The following ARHGAP15 variants were observed in gnomAD, a reference collection of about 807,000 sequenced individuals.
ARHGAP15 encodes the protein Rho GTPase activating protein 15, also known as rho GTPase-activating protein 15.
A neutral mutation model predicts 63.7 loss-of-function variants in ARHGAP15; 51 were observed. That is an observed-to-expected ratio of 0.80 (90% confidence interval 0.64 to 1.01). ARHGAP15 has a LOEUF of 1.01. Ranked by LOEUF, ARHGAP15 falls within the 50% of genes least tolerant of loss-of-function variation. The pLI is 0.00. For synonymous variants in ARHGAP15, 191 were observed against 193.8 expected (o/e 0.99, Z 0.12); for missense variants, 560 against 564.6 (o/e 0.99, Z 0.08).
At chr2:143,251,212 C>A (rs976845025) in intron 6 of ARHGAP15, among the ~76,000 whole-genome samples, 1 of 150,920 alleles carries the variant, frequency 6.6e-6, no homozygotes, top group African/African-American at 2.4e-5. Context: ...CACCTAATTG[C>A]GTGATTTATC....
chr2:143,722,458 C>T lies in ARHGAP15; in HGVS notation c.1244+18934C>T, dbSNP rs567860704. 3.3e-3 allele frequency among the ~76,000 whole-genome samples: 507 copies of T among 152,058 alleles called. 6 individuals carry two copies. Among genetic ancestry groups the T allele is most frequent in the Non-Finnish European group, 5.1e-3 (347 of 68,004 alleles). On this transcript the variant is annotated intron_variant, in intron 13 of 13. Coordinates refer to ENST00000295095, the MANE Select transcript of ARHGAP15 (RefSeq NM_018460.4). ...GGCAAAGTACATATACAAGCAGAAGCACATAAGCACCAATGAATGAAGCAT... is the reference window on the plus strand; with the variant it reads ...GGCAAAGTACATATACAAGCAGAAGTACATAAGCACCAATGAATGAAGCAT...
intron 10 of ARHGAP15, among the ~76,000 whole-genome samples, chr2:143,541,250 G>A (rs1229657592): frequency 6.6e-6 from 1 of 152,110 alleles, no homozygotes; most frequent in Non-Finnish European, 1.5e-5. Context: ...GGACTTCTCT[G>A]CATTGGTTAT....
At chr2:143,517,138 G>A (rs142840260) in intron 9 of ARHGAP15, among the ~76,000 whole-genome samples, 300 of 152,168 alleles carry the variant, frequency 2.0e-3, no homozygotes, top group Middle Eastern at 0.01. Context: ...TAATAGAAAC[G>A]GGGTTTCACC....
intron 9 of ARHGAP15, among the ~76,000 whole-genome samples, chr2:143,496,474 T>C (rs1183247032): frequency 6.6e-6 from 1 of 152,206 alleles, no homozygotes; most frequent in Non-Finnish European, 1.5e-5. Context: ...TTCAAGAATT[T>C]ATTTTCTTAT....
chr2:143,157,231 A>G (rs1487538820), intron 2 of ARHGAP15, among the ~76,000 whole-genome samples: 2 of 151,928 alleles, frequency 1.3e-5, no homozygotes, highest in Non-Finnish European at 2.9e-5. Flanking sequence ...TTTATGCACT[A>G]TTACCTTGAC....
intron 12 of ARHGAP15, among the ~76,000 whole-genome samples, chr2:143,700,605 A>G (rs989046493): frequency 6.6e-5 from 10 of 152,074 alleles, no homozygotes; most frequent in African/African-American, 2.4e-4. Flanking sequence ...CTAGTAGTTC[A>G]CCAGATCCTC....
rs574284088 is a variant in ARHGAP15 at position 143,411,184 on chromosome 2, G to A, written c.475-24417G>A. Among the ~76,000 whole-genome samples the A allele has an allele frequency of 2.0e-4, 31 of 152,104 alleles. No homozygotes were observed. In the East Asian group the frequency reaches 2.7e-3, roughly 13 times the overall value. On this transcript the variant is annotated intron_variant, in intron 6 of 13. Transcript: ENST00000295095. ...CATGCCACTGCACTCCAGCCTGGGC[G>A]ACAGAGCGAGACTATCTCAAAAAAA... is the stretch of plus-strand genomic sequence containing the variant.
chr2:143,617,113 G>A (rs1315933369), intron 11 of ARHGAP15, among the ~76,000 whole-genome samples: 1 of 152,194 alleles, frequency 6.6e-6, no homozygotes, highest in Non-Finnish European at 1.5e-5. Flanking sequence ...AGCCTGAATA[G>A]GCAGGCAATT....
chr2:143,734,921 A>T (rs899786217), intron 13 of ARHGAP15, among the ~76,000 whole-genome samples: 12 of 152,186 alleles, frequency 7.9e-5, no homozygotes, highest in African/African-American at 2.4e-4. Context: ...TTCTGACTTT[A>T]TCTGAAGACT....
intron 10 of ARHGAP15, among the ~76,000 whole-genome samples, chr2:143,533,906 T>C (rs1694631095): frequency 6.6e-6 from 1 of 152,184 alleles, no homozygotes; most frequent in Admixed American, 6.5e-5. Flanking sequence ...TTCAAAGCCA[T>C]GCATTACCAG....
intron 12 of ARHGAP15, among the ~76,000 whole-genome samples, chr2:143,632,271 G>T (rs1268776490): frequency 6.6e-6 from 1 of 151,964 alleles, no homozygotes; most frequent in Non-Finnish European, 1.5e-5. Flanking sequence ...TGATTCCAAT[G>T]CCATCACTTT....
intron 5 of ARHGAP15, among the ~76,000 whole-genome samples, chr2:143,238,674 C>A (rs958797092): frequency 6.6e-6 from 1 of 152,020 alleles, no homozygotes; most frequent in Non-Finnish European, 1.5e-5. Flanking sequence ...ATTATTTGAC[C>A]CAGCAATCCC....
chr2:143,373,562 G>A (rs779935695), intron 6 of ARHGAP15, among the ~76,000 whole-genome samples: 11 of 149,928 alleles, frequency 7.3e-5, no homozygotes, highest in Admixed American at 5.3e-4. Flanking sequence ...CTGGGGAGGC[G>A]GAGCTTGCAG....
At chr2:143,351,704 A>G (rs1172378257) in intron 6 of ARHGAP15, among the ~76,000 whole-genome samples, 1 of 152,174 alleles carries the variant, frequency 6.6e-6, no homozygotes. Context: ...GATTAATGTC[A>G]GAAGATTCCC....
chr2:143,756,766 A>C (rs1686591641), intron 13 of ARHGAP15, among the ~76,000 whole-genome samples: 1 of 152,178 alleles, frequency 6.6e-6, no homozygotes, highest in South Asian at 2.1e-4. Flanking sequence ...AATACATGTT[A>C]ATTTGGTTTT....
chr2:143,156,223 T>C (rs1393046510), intron 2 of ARHGAP15, among the ~76,000 whole-genome samples: 1 of 151,830 alleles, frequency 6.6e-6, no homozygotes, highest in Non-Finnish European at 1.5e-5. Flanking sequence ...TGAAATAAAA[T>C]AGTTAGAGAT....
chr2:143,387,859 A>G (rs1433303344), intron 6 of ARHGAP15, among the ~76,000 whole-genome samples: 1 of 151,414 alleles, frequency 6.6e-6, no homozygotes, highest in African/African-American at 2.4e-5. Context: ...ACACGCATGG[A>G]CGCACATACA....
At chr2:143,553,531 G>A (rs1183475449) in intron 10 of ARHGAP15, among the ~76,000 whole-genome samples, 2 of 152,120 alleles carry the variant, frequency 1.3e-5, no homozygotes, top group African/African-American at 2.4e-5. Flanking sequence ...CAACCACAGC[G>A]GTAGCACAGG....
intron 6 of ARHGAP15, among the ~76,000 whole-genome samples, chr2:143,367,842 G>A (rs923349230): frequency 2.6e-5 from 4 of 151,778 alleles, no homozygotes; most frequent in Non-Finnish European, 5.9e-5. Flanking sequence ...GCAATTTTCC[G>A]GCCACCTTCT....
Sources: gnomAD v4.1 joint callset for allele counts (sites outside exome capture counted in the v4.1 genomes callset) on GRCh38, gnomAD v4.1.1 for gene constraint, MANE v1.5 for transcripts, NCBI Gene and HGNC (gene_info 2026-07-23, HGNC 2026-07-21) for gene names.